Variants in KREMEN1 observed in about 807,000 individuals in gnomAD.
KREMEN1 encodes kremen protein 1.
In KREMEN1, 30 loss-of-function variants were observed where a neutral mutation model predicts 46.5. That is an observed-to-expected ratio of 0.65 (90% CI 0.48 to 0.88). KREMEN1 has a LOEUF of 0.88. KREMEN1 is among the 40% of genes least tolerant of loss of function. The pLI is 0.00. For missense variants in KREMEN1, 533 were observed against 596.9 expected (o/e 0.89, Z 1.11); for synonymous variants, 214 against 230.6 (o/e 0.93, Z 0.65).
rs918523702 is a variant in KREMEN1 at position 29,143,501 on chromosome 22, G to A, written c.*1389G>A. 2.5e-5 allele frequency: 24 copies of A among 968,700 alleles called. No homozygotes were observed. The highest frequency in any genetic ancestry group is 2.8e-5 in the Non-Finnish European group (23 of 814,730). The allele number at this position is 968,700 out of a possible 1,614,324, so 60.0% of individuals were successfully genotyped here. ...CTCATGCCTGTAATCCCAGCACTTTGGGAGGCTGAGGCGGGTGGATCACGA... is the reference window on the plus strand; with the variant it reads ...CTCATGCCTGTAATCCCAGCACTTTAGGAGGCTGAGGCGGGTGGATCACGA... On this transcript the variant is annotated 3_prime_UTR_variant, in exon 9 of 9. Transcript: ENST00000400335.
At chr22:29,156,564 AATGCTCTCCGCACAGGACGCT>A (rs982439067) in intron 9 of KREMEN1, among the ~76,000 whole-genome samples, 5 of 151,568 alleles carry the variant, frequency 3.3e-5, no homozygotes, top group African/African-American at 1.2e-4. Flanking sequence ...TCCGCACAGG[AATGCTCTCCGCACAGGACGCT>A]GGCTGCCTCT....
chr22:29,135,610 C>G (rs1228394636), intron 5 of KREMEN1, among the ~76,000 whole-genome samples: 2 of 152,218 alleles, frequency 1.3e-5, no homozygotes, highest in Admixed American at 6.5e-5. Context: ...TGTGAAAGCA[C>G]TGAGTGGAGG....
rs2038328829 is a variant in KREMEN1, at chr22:29,120,443, T to TGATGAA, written c.353-913_353-912insATGAAG. 1.7e-4 allele frequency among the ~76,000 whole-genome samples: 8 copies of TGATGAA among 46,800 alleles called. 2 individuals carry two copies. Among genetic ancestry groups the TGATGAA allele is most frequent in the African/African-American group, 9.2e-4 (8 of 8,710 alleles). 30.7% of individuals were successfully genotyped at this position (46,800 alleles called of 152,430 possible). A position where few individuals can be genotyped will look rare whatever the true frequency, so the allele number is the denominator to read the frequency against. On this transcript the variant is annotated intron_variant, in intron 3 of 8. Coordinates refer to ENST00000400335, the MANE Select transcript of KREMEN1 (RefSeq NM_001039570.3). ...AACAGGGAGGAGGGAGAGGTGATGA[T>TGATGAA]GGAAACAGGGAGGAGGGAGACGTGA...
At chr22:29,083,267 A>G (rs984020761) in intron 1 of KREMEN1, among the ~76,000 whole-genome samples, 1 of 152,200 alleles carries the variant, frequency 6.6e-6, no homozygotes, top group Admixed American at 6.5e-5. Context: ...AATATATTCT[A>G]TTGGTATTGG....
intron 3 of KREMEN1, among the ~76,000 whole-genome samples, chr22:29,117,108 G>T (rs2038251747): frequency 6.6e-6 from 1 of 152,296 alleles, no homozygotes; most frequent in African/African-American, 2.4e-5. Flanking sequence ...AATTTAAAAT[G>T]AGCTGGTTAG....
At chr22:29,089,026 A>G (rs1246470874) in intron 1 of KREMEN1, among the ~76,000 whole-genome samples, 1 of 152,106 alleles carries the variant, frequency 6.6e-6, no homozygotes, top group Non-Finnish European at 1.5e-5. Flanking sequence ...CTCAGTCATC[A>G]TTGCCAAGTG....
intron 9 of KREMEN1, among the ~76,000 whole-genome samples, chr22:29,163,471 G>A (rs901368457): frequency 2.0e-5 from 3 of 151,820 alleles, no homozygotes; most frequent in Non-Finnish European, 2.9e-5. Context: ...TCCGCCTCCC[G>A]GGTTCAAACG....
chr22:29,091,910 T>C (rs1231981846), intron 1 of KREMEN1, among the ~76,000 whole-genome samples: 1 of 152,160 alleles, frequency 6.6e-6, no homozygotes, highest in Non-Finnish European at 1.5e-5. Flanking sequence ...GGAAATAGCA[T>C]AGTGTGTTCA....
chr22:29,150,230 G>C (rs5844840), downstream of KREMEN1, among the ~76,000 whole-genome samples: 1 of 152,200 alleles, frequency 6.6e-6, no homozygotes, highest in Non-Finnish European at 1.5e-5. Flanking sequence ...GTGGGGGGGG[G>C]GGCAGTGCCT....
intron 1 of KREMEN1, among the ~76,000 whole-genome samples, chr22:29,079,891 C>T (rs2037627983): frequency 6.6e-6 from 1 of 152,208 alleles, no homozygotes; most frequent in Admixed American, 6.5e-5. Context: ...ATGTAAATTA[C>T]TTGCTGTTGT....
chr22:29,094,428 G>T lies in KREMEN1; in HGVS notation c.260+8G>T, dbSNP rs1364752724. On this transcript the variant is annotated splice_region_variant and intron_variant, in intron 2 of 8. Transcript: ENST00000400335. ...TGAGCACAACTATTGCAGGTAAGAT[G>T]GGGCCACTCAGTACTTTAAAAAGAT... 1 of 1,609,262 alleles carries T rather than the reference G, an allele frequency of 6.2e-7. No individual in the cohort carries two copies. The highest frequency in any genetic ancestry group is 1.1e-5 in the South Asian group (1 of 90,428).
At chr22:29,153,779 G>A (rs112755609) in intron 9 of KREMEN1, among the ~76,000 whole-genome samples, 253 of 152,118 alleles carry the variant, frequency 1.7e-3, no homozygotes, top group African/African-American at 5.8e-3. Context: ...TCAGGAATTT[G>A]AGACCAGCCT....
At position 29,073,269 on chromosome 22, in the gene KREMEN1, C is replaced by A; in HGVS notation, c.97+42C>A. The A allele has an allele frequency of 1.1e-6, 1 of 941,920 alleles. No individual in the cohort carries two copies. Among genetic ancestry groups the A allele is most frequent in the Non-Finnish European group, 1.4e-6 (1 of 739,794 alleles). The allele number at this position is 941,920 out of a possible 1,614,324, so 58.3% of individuals were successfully genotyped here. The stretch of plus-strand genomic sequence containing the variant: ...CCCCGCCGCCCGCCCTGAGCGGAGC[C>A]CACTCGAGGGGCGACAAGGGCCGGC... On this transcript the variant is annotated intron_variant, in intron 1 of 8. Coordinates refer to ENST00000400335, the MANE Select transcript of KREMEN1 (RefSeq NM_001039570.3). The surrounding 1 kb of genome is among the most constrained non-coding windows in gnomAD (Gnocchi z 4.4).
At position 29,138,750 on chromosome 22, in the gene KREMEN1, C is replaced by T. The variant is rs753183882; in HGVS notation, c.1091C>T (p.Thr364Ile). Residue 364 changes from threonine to isoleucine, a missense_variant, in exon 7 of 9, where the codon ACC becomes ATC. Thr to Ile is a moderately conservative substitution (Grantham distance 89). Coordinates refer to ENST00000400335, the MANE Select transcript of KREMEN1 (RefSeq NM_001039570.3). The stretch of plus-strand genomic sequence containing the variant: ...TCCAAAGTCCTCTATGTCATCACCA[C>T]CAGCCCCAGCCACCCACCTCAGACT... ...RSSKVLYVIT[T>I]SPSHPPQTVP... 4.5e-5 allele frequency: 72 copies of T among 1,614,110 alleles called. 1 individual carries two copies. The highest frequency in any genetic ancestry group is 3.4e-6 in the Non-Finnish European group (4 of 1,180,060).
At chr22:29,161,003 T>C (rs949919255) in intron 9 of KREMEN1, among the ~76,000 whole-genome samples, 7 of 151,462 alleles carry the variant, frequency 4.6e-5, no homozygotes, top group Non-Finnish European at 1.5e-5. Context: ...GAAAGAGAGA[T>C]CAAATAAGCA....
At chr22:29,136,591 AG>A (rs2038661815) in intron 5 of KREMEN1, among the ~76,000 whole-genome samples, 4 of 142,236 alleles carry the variant, frequency 2.8e-5, no homozygotes, top group African/African-American at 1.2e-4. Context: ...AAAAAAAAAT[AG>A]AATCCTAGCC....
At chr22:29,139,311 G>A (rs1401141288) in intron 7 of KREMEN1, among the ~76,000 whole-genome samples, 4 of 152,186 alleles carry the variant, frequency 2.6e-5, no homozygotes, top group African/African-American at 4.8e-5. Flanking sequence ...ATGAAGAAAA[G>A]TCATGCAGGG....
At chr22:29,155,123 G>C (rs1341240167) in intron 9 of KREMEN1, among the ~76,000 whole-genome samples, 1 of 146,322 alleles carries the variant, frequency 6.8e-6, no homozygotes, top group Non-Finnish European at 1.5e-5. Flanking sequence ...TTTTTTTTTT[G>C]GCCAAATTTT....
At position 29,145,066 on chromosome 22, in the gene KREMEN1, C is replaced by T. The variant is rs1357618440; in HGVS notation, c.*2954C>T. On this transcript the variant is annotated 3_prime_UTR_variant, in exon 9 of 9. Transcript: ENST00000400335. ...CAGGCTAAGCCTCCGTGGGCACTGG[C>T]TCCTGCCGCAGCCTGGCTATGGACT... The T allele has an allele frequency of 1.0e-6, 1 of 985,386 alleles. No homozygotes were observed. The highest frequency in any genetic ancestry group is 1.7e-5 in the African/African-American group (1 of 57,230). 61.0% of individuals were successfully genotyped at this position (985,386 alleles called of 1,614,324 possible).
Sources: gnomAD v4.1 joint callset for allele counts (sites outside exome capture counted in the v4.1 genomes callset) on GRCh38, gnomAD v4.1.1 for gene constraint, Gnocchi (gnomAD v3.1) non-coding constraint, MANE v1.5 for transcripts, NCBI Gene and HGNC (gene_info 2026-07-23, HGNC 2026-07-21) for gene names.